NLGN1: variants seen among roughly 807,000 people sequenced by gnomAD.
NLGN1 encodes the protein neuroligin-1.
NLGN1 carries 12 observed loss-of-function variants against 65.5 expected under a neutral mutation model. That is an observed-to-expected ratio of 0.18 (90% CI 0.12 to 0.30). The LOEUF is 0.30. NLGN1 is among the 10% of genes least tolerant of loss of function. The pLI, the probability that NLGN1 is intolerant of heterozygous loss-of-function variation, is 1.00. For synonymous variants in NLGN1, 350 were observed against 359.5 expected, an observed-to-expected ratio of 0.97 and a Z score of 0.30; for missense variants, 750 against 1,007.1, an observed-to-expected ratio of 0.74 and a Z score of 3.46.
chr3:174,093,113 G>T (rs1036293298), intron 4 of NLGN1, among the ~76,000 whole-genome samples: 8 of 152,128 alleles, frequency 5.3e-5, no homozygotes, highest in Non-Finnish European at 1.2e-4. Flanking sequence ...CTTTAACTTT[G>T]CCTGGCACAT....
chr3:173,708,507 A>G (rs939590702), intron 3 of NLGN1, among the ~76,000 whole-genome samples: 5 of 152,194 alleles, frequency 3.3e-5, no homozygotes, highest in African/African-American at 1.2e-4. Flanking sequence ...TTTGACTTTC[A>G]GAGGAAAAGA....
intron 4 of NLGN1, among the ~76,000 whole-genome samples, chr3:173,857,414 G>A (rs2150776923): frequency 1.3e-5 from 2 of 152,082 alleles, no homozygotes; most frequent in South Asian, 4.2e-4. Context: ...TCCCTCCCAG[G>A]TCTACCTTTG....
chr3:174,140,232 A>G (rs1265989483), intron 4 of NLGN1, among the ~76,000 whole-genome samples: 1 of 152,120 alleles, frequency 6.6e-6, no homozygotes, highest in Non-Finnish European at 1.5e-5. Flanking sequence ...AAATTTATAT[A>G]CTAGCTTGAA....
chr3:173,706,153 A>T (rs1768011173), intron 3 of NLGN1, among the ~76,000 whole-genome samples: 1 of 152,102 alleles, frequency 6.6e-6, no homozygotes, highest in African/African-American at 2.4e-5. Context: ...ATAGAGACAA[A>T]ATTGTTTATG....
chr3:173,399,437 C>T (rs1717245556), intron 1 of NLGN1: 1 of 152,090 alleles, frequency 6.6e-6, no homozygotes, highest in Non-Finnish European at 1.5e-5. Context: ...TCTTTATTCC[C>T]TCAGTATAGT....
chr3:174,054,508 A>T (rs991576441), intron 4 of NLGN1, among the ~76,000 whole-genome samples: 22 of 152,054 alleles, frequency 1.4e-4, no homozygotes, highest in African/African-American at 5.3e-4. Flanking sequence ...TTTATTCTCT[A>T]TTTTAGTTTC....
At chr3:174,282,860 TA>T (rs1204021065) in exon 7 of NLGN1, 2 of 152,040 alleles carry the variant, frequency 1.3e-5, no homozygotes, top group Non-Finnish European at 3.0e-5. Context: ...GTTTATAAGA[TA>T]ATGCAAAGAA....
chr3:173,578,402 G>T (rs188972368), intron 2 of NLGN1, among the ~76,000 whole-genome samples: 1 of 152,036 alleles, frequency 6.6e-6, no homozygotes, highest in African/African-American at 2.4e-5. Flanking sequence ...TATGTAATTA[G>T]CATAAAATCC....
chr3:174,170,952 C>G (rs1015994602), intron 4 of NLGN1, among the ~76,000 whole-genome samples: 1 of 152,072 alleles, frequency 6.6e-6, no homozygotes. Context: ...CATATTTTTA[C>G]ATGAAAAATG....
At chr3:174,260,219 C>G (rs371928233) in intron 4 of NLGN1, among the ~76,000 whole-genome samples, 1,802 of 150,760 alleles carry the variant, frequency 0.012, 21 homozygotes, top group South Asian at 0.046. Flanking sequence ...ATGGCTGGGT[C>G]AAATGGTATT....
At chr3:173,647,797 A>T (rs150948521) in intron 3 of NLGN1, among the ~76,000 whole-genome samples, 131 of 152,246 alleles carry the variant, frequency 8.6e-4, no homozygotes, top group African/African-American at 3.1e-3. Flanking sequence ...GCCAAAGCCA[A>T]TAACATGAAA....
intron 4 of NLGN1, among the ~76,000 whole-genome samples, chr3:174,121,966 T>A (rs989788383): frequency 8.5e-5 from 13 of 152,198 alleles, no homozygotes; most frequent in Non-Finnish European, 1.6e-4. Context: ...TTTCTGCCTC[T>A]AATTTACACC....
intron 3 of NLGN1, among the ~76,000 whole-genome samples, chr3:173,738,948 T>C (rs1204286068): frequency 6.6e-6 from 1 of 152,024 alleles, no homozygotes; most frequent in Admixed American, 6.6e-5. Flanking sequence ...TGAAACCCCC[T>C]TGCAGATTAA....
At chr3:173,739,271 A>C (rs912598118) in intron 3 of NLGN1, among the ~76,000 whole-genome samples, 4 of 152,076 alleles carry the variant, frequency 2.6e-5, no homozygotes, top group African/African-American at 9.7e-5. Context: ...GGGGTTTAGC[A>C]TTTACTTGGT....
chr3:173,657,650 T>C (rs919773844), intron 3 of NLGN1, among the ~76,000 whole-genome samples: 4 of 151,902 alleles, frequency 2.6e-5, no homozygotes, highest in African/African-American at 9.7e-5. Flanking sequence ...TTTATGATGT[T>C]TTAAAATGTG....
chr3:174,273,350 G>T (rs1263858782), intron 4 of NLGN1, among the ~76,000 whole-genome samples: 1 of 151,036 alleles, frequency 6.6e-6, no homozygotes, highest in Non-Finnish European at 1.5e-5. Flanking sequence ...TCTATCTAAT[G>T]TACAGTAATG....
intron 4 of NLGN1, among the ~76,000 whole-genome samples, chr3:174,214,340 T>C (rs1003961972): frequency 1.1e-4 from 17 of 152,220 alleles, no homozygotes; most frequent in African/African-American, 3.9e-4. Context: ...TTAGCTTTTC[T>C]GAAATGCTTA....
intron 4 of NLGN1, among the ~76,000 whole-genome samples, chr3:174,018,435 T>C (rs1579799650): frequency 6.6e-6 from 1 of 152,244 alleles, no homozygotes; most frequent in East Asian, 1.9e-4. Context: ...ACAATTTATG[T>C]TCAGAGATGG....
intron 4 of NLGN1, among the ~76,000 whole-genome samples, chr3:174,167,723 A>T (rs2152728880): frequency 6.8e-6 from 1 of 146,334 alleles, no homozygotes; most frequent in Middle Eastern, 4.0e-3. Flanking sequence ...TGTTCTTTTC[A>T]TTTCTTCTAT....
Sources: allele counts gnomAD v4.1 joint callset (sites outside exome capture counted in the v4.1 genomes callset), GRCh38; gene constraint gnomAD v4.1.1; transcripts MANE v1.5; gene names NCBI Gene and HGNC (gene_info 2026-07-23, HGNC 2026-07-21).